ATP9B: variants seen among roughly 807,000 people sequenced by gnomAD.
The protein encoded by ATP9B is probable phospholipid-transporting ATPase IIB.
Under a neutral mutation model 146.1 loss-of-function variants are expected in ATP9B, and 110 were observed. The ratio of observed to expected loss-of-function variants is 0.75; its 90% CI spans 0.65 to 0.88. The LOEUF (loss-of-function observed/expected upper bound fraction) is 0.88, where lower values mean the gene tolerates loss of function less well. Ranked by LOEUF, ATP9B falls within the 40% of genes least tolerant of loss-of-function variation. The pLI is 0.00. For synonymous variants in ATP9B, 604 were observed against 569.7 expected (o/e 1.06, Z -0.86); for missense variants, 1,499 against 1,496.4 (o/e 1.00, Z -0.03).
chr18:79,165,772 C>T (rs1485361642), intron 7 of ATP9B, among the ~76,000 whole-genome samples: 2 of 152,122 alleles, frequency 1.3e-5, no homozygotes, highest in African/African-American at 4.8e-5. Flanking sequence ...GGCTGCAGCC[C>T]CACCCAGGAG....
intron 15 of ATP9B, among the ~76,000 whole-genome samples, chr18:79,328,134 C>T (rs34520551): frequency 0.36 from 49,411 of 136,788 alleles, 8,699 homozygotes; most frequent in Middle Eastern, 0.5. Flanking sequence ...CCGTGGATAG[C>T]GTGCTCTCTG....
intron 6 of ATP9B, 122 bp downstream of exon 6, chr18:79,143,982 G>C: frequency 1.8e-6 from 1 of 561,800 alleles, no homozygotes; most frequent in Non-Finnish European, 3.0e-6. Flanking sequence ...TAATATCCTT[G>C]TGTAAGATTT....
chr18:79,347,093 C>G (rs2096893725), intron 23 of ATP9B, among the ~76,000 whole-genome samples: 1 of 152,240 alleles, frequency 6.6e-6, no homozygotes, highest in South Asian at 2.1e-4. Context: ...CTCCTGTTTT[C>G]CACGCACCAT....
chr18:79,140,383 G>A (rs2094499102), intron 5 of ATP9B, among the ~76,000 whole-genome samples: 1 of 152,128 alleles, frequency 6.6e-6, no homozygotes, highest in Non-Finnish European at 1.5e-5. Context: ...TGGAATTAGG[G>A]AAATTATAGT....
At chr18:79,107,547 C>T (rs1011561610) in intron 2 of ATP9B, among the ~76,000 whole-genome samples, 10 of 152,180 alleles carry the variant, frequency 6.6e-5, no homozygotes, top group African/African-American at 2.4e-4. Flanking sequence ...GCTGAGCCTT[C>T]GTAGTGTGTA....
intron 5 of ATP9B, among the ~76,000 whole-genome samples, chr18:79,138,586 A>G (rs552814346): frequency 1.3e-5 from 2 of 152,332 alleles, no homozygotes; most frequent in African/African-American, 2.4e-5. Context: ...TTAGAGATCT[A>G]AGTTTTGTTT....
chr18:79,306,508 A>G (rs1276800859), intron 14 of ATP9B, among the ~76,000 whole-genome samples: 1 of 152,232 alleles, frequency 6.6e-6, no homozygotes, highest in Non-Finnish European at 1.5e-5. Flanking sequence ...CTAAACTCAG[A>G]GACTACTGAG....
intron 2 of ATP9B, among the ~76,000 whole-genome samples, chr18:79,097,570 C>T (rs1230433864): frequency 8.5e-6 from 1 of 118,222 alleles, no homozygotes; most frequent in African/African-American, 3.3e-5. Context: ...ATTCCCCTTC[C>T]TGTGTCCATG....
At chr18:79,142,203 A>C (rs2094522337) in intron 5 of ATP9B, among the ~76,000 whole-genome samples, 1 of 152,216 alleles carries the variant, frequency 6.6e-6, no homozygotes, top group Non-Finnish European at 1.5e-5. Context: ...ATTTCCATAG[A>C]AATTAATCGT....
At chr18:79,233,792 G>A (rs2095814089) in intron 11 of ATP9B, among the ~76,000 whole-genome samples, 2 of 152,160 alleles carry the variant, frequency 1.3e-5, no homozygotes, top group Admixed American at 6.5e-5. Context: ...ACTGTTGACT[G>A]GAAGCCTTAC....
chr18:79,370,120 A>G (rs3927203), intron 26 of ATP9B, among the ~76,000 whole-genome samples: 39,328 of 152,180 alleles, frequency 0.26, 5,871 homozygotes, highest in African/African-American at 0.42. Flanking sequence ...AATAAATTTT[A>G]AAAATTTGCT....
intron 15 of ATP9B, among the ~76,000 whole-genome samples, chr18:79,312,089 T>C (rs899250709): frequency 1.2e-4 from 18 of 152,148 alleles, no homozygotes; most frequent in African/African-American, 4.3e-4. Flanking sequence ...TTGAGACCGG[T>C]CTGCTCACGC....
At chr18:79,354,811 G>T (rs2096941989) in intron 25 of ATP9B, among the ~76,000 whole-genome samples, 1 of 152,150 alleles carries the variant, frequency 6.6e-6, no homozygotes, top group South Asian at 2.1e-4. Context: ...ACGCCCATGG[G>T]TGCAGAAATT....
rs1267971005 is a variant in ATP9B at position 79,329,995 on chromosome 18, T to C, written c.1936-17T>C. On this transcript the variant is annotated splice_polypyrimidine_tract_variant and intron_variant, in intron 16 of 29. Coordinates refer to ENST00000426216, the MANE Select transcript of ATP9B (RefSeq NM_198531.5). ...TGCAGCCTAAATGTGCCTCTGTTTA[T>C]TTTTGTTCTTTGATAGGATGAATCC... 1 of 1,613,032 alleles carries C rather than the reference T, an allele frequency of 6.2e-7. No individual in the cohort carries two copies. Among genetic ancestry groups the C allele is most frequent in the Non-Finnish European group, 8.5e-7 (1 of 1,178,962 alleles).
intron 11 of ATP9B, among the ~76,000 whole-genome samples, chr18:79,241,154 T>A (rs180696898): frequency 2.6e-5 from 4 of 152,332 alleles, no homozygotes; most frequent in Admixed American, 2.6e-4. Flanking sequence ...TAGTTATTAG[T>A]GTGGAGTTAG....
intron 9 of ATP9B, among the ~76,000 whole-genome samples, chr18:79,197,666 G>A (rs1450798683): frequency 6.6e-6 from 1 of 152,058 alleles, no homozygotes; most frequent in Non-Finnish European, 1.5e-5. Flanking sequence ...AGGTGATGAA[G>A]TTAGATGCTA....
chr18:79,318,407 G>A lies in ATP9B; in HGVS notation c.1774-10734G>A, dbSNP rs1051023175. Among the ~76,000 whole-genome samples, 6 of 152,190 alleles carry A rather than the reference G, an allele frequency of 3.9e-5. No homozygotes were observed. The East Asian group carries it at 9.6e-4, about 24-fold the overall frequency. The stretch of plus-strand genomic sequence containing the variant: ...CCAGCCCCACAGCCCCAGTCTACTC[G>A]TGAGAAAATCATCAGACAAATAAAA... On this transcript the variant is annotated intron_variant, in intron 15 of 29. Coordinates refer to ENST00000426216, the MANE Select transcript of ATP9B (RefSeq NM_198531.5).
chr18:79,276,571 T>C (rs2096311521), intron 12 of ATP9B, among the ~76,000 whole-genome samples: 1 of 152,228 alleles, frequency 6.6e-6, no homozygotes, highest in Admixed American at 6.5e-5. Context: ...GCCTGCTCCA[T>C]GTGTGTGCCC....
At chr18:79,310,925 C>T (rs1392584294) in intron 15 of ATP9B, among the ~76,000 whole-genome samples, 1 of 151,892 alleles carries the variant, frequency 6.6e-6, no homozygotes, top group Non-Finnish European at 1.5e-5. Context: ...CTAAGCTGAG[C>T]GGATCACCTG....
Sources: allele counts gnomAD v4.1 joint callset (sites outside exome capture counted in the v4.1 genomes callset), GRCh38; gene constraint gnomAD v4.1.1; transcripts MANE v1.5; gene names NCBI Gene and HGNC (gene_info 2026-07-23, HGNC 2026-07-21).